Variants in TBL1X observed in about 807,000 individuals in gnomAD.
TBL1X encodes transducin beta like 1 X-linked.
Under a neutral mutation model 50.7 loss-of-function variants are expected in TBL1X, and 10 were observed. The ratio of observed to expected loss-of-function variants is 0.20; its 90% CI spans 0.12 to 0.33. TBL1X has a LOEUF of 0.33. TBL1X is among the 10% of genes least tolerant of loss of function. The pLI, the probability that TBL1X is intolerant of heterozygous loss-of-function variation, is 1.00. For missense variants in TBL1X, 340 were observed against 504.4 expected (o/e 0.67, Z 3.12); for synonymous variants, 190 against 214.7 (o/e 0.88, Z 1.01).
intron 2 of TBL1X, among the ~76,000 whole-genome samples, chrX:9,553,098 G>T (rs778461747): frequency 7.5e-4 from 83 of 111,134 alleles, no homozygotes; most frequent in Non-Finnish European, 1.4e-3. Context: ...AGCCATGTTG[G>T]CGCCACTGCA....
chrX:9,698,383 T>C (rs1269048623), intron 12 of TBL1X, among the ~76,000 whole-genome samples: 6 of 111,778 alleles, frequency 5.4e-5, no homozygotes, highest in Non-Finnish European at 1.1e-4. Context: ...CTAAGATTTC[T>C]AACAGCACAA....
intron 2 of TBL1X, among the ~76,000 whole-genome samples, chrX:9,607,407 G>A (rs1246505081): frequency 9.0e-6 from 1 of 111,480 alleles, no homozygotes; most frequent in East Asian, 2.8e-4. Context: ...CAGTGCTGGT[G>A]CTGGCACCGC....
intron 1 of TBL1X, 71 bp downstream of exon 1, chrX:9,465,518 G>C (rs1283503615): frequency 5.4e-5 from 6 of 111,553 alleles, no homozygotes; most frequent in Non-Finnish European, 1.1e-4. Flanking sequence ...GTCCCGCGCT[G>C]ACCCTCCAGG....
intron 1 of TBL1X, among the ~76,000 whole-genome samples, chrX:9,475,859 T>A (rs192005347): frequency 8.9e-6 from 1 of 112,060 alleles, no homozygotes; most frequent in African/African-American, 3.2e-5. Context: ...TGCATCTGTT[T>A]TCTTCTTTGT....
At chrX:9,523,217 C>T (rs1376284227) in intron 2 of TBL1X, among the ~76,000 whole-genome samples, 1 of 112,037 alleles carries the variant, frequency 8.9e-6, no homozygotes, top group Non-Finnish European at 1.9e-5. Flanking sequence ...CAGCTGTCAC[C>T]CTTTCACCCT....
chrX:9,596,720 C>T (rs758304408), intron 2 of TBL1X, among the ~76,000 whole-genome samples: 5 of 111,193 alleles, frequency 4.5e-5, no homozygotes, highest in Admixed American at 9.5e-5. Flanking sequence ...CTGAAATCAA[C>T]CACTTAATCT....
chrX:9,692,843 G>A (rs1219321169), intron 9 of TBL1X, among the ~76,000 whole-genome samples: 1 of 112,638 alleles, frequency 8.9e-6, no homozygotes, highest in Non-Finnish European at 1.9e-5. Context: ...GGTAGGCTGG[G>A]AGCCCCAAGG....
chrX:9,515,520 C>T (rs982833318), intron 2 of TBL1X, among the ~76,000 whole-genome samples: 36 of 112,023 alleles, frequency 3.2e-4, no homozygotes, highest in Admixed American at 9.5e-4. Context: ...ACCTCAGTAG[C>T]GGAGCCAGAT....
chrX:9,694,171 G>A (rs1569101656), intron 11 of TBL1X, among the ~76,000 whole-genome samples: 1 of 107,553 alleles, frequency 9.3e-6, no homozygotes, highest in African/African-American at 3.4e-5. Flanking sequence ...ACAGTTGTGC[G>A]TTCCCGAGAC....
chrX:9,568,484 A>G (rs2082363693), intron 2 of TBL1X, among the ~76,000 whole-genome samples: 1 of 103,010 alleles, frequency 9.7e-6, no homozygotes, highest in African/African-American at 3.5e-5. Flanking sequence ...GTCTATCTGC[A>G]CCGTGGTTTG....
intron 2 of TBL1X, among the ~76,000 whole-genome samples, chrX:9,546,508 C>T (rs750458930): frequency 8.1e-5 from 9 of 110,877 alleles, no homozygotes; most frequent in East Asian, 2.9e-4. Context: ...AGCAAGACTC[C>T]GTCTCAGAAA....
intron 2 of TBL1X, among the ~76,000 whole-genome samples, chrX:9,547,381 G>A (rs926611311): frequency 2.7e-5 from 3 of 110,164 alleles, no homozygotes; most frequent in South Asian, 3.9e-4. Context: ...GTGCAATGGC[G>A]CGATCTCGAC....
chrX:9,643,270 T>A (rs1182999702), intron 3 of TBL1X, among the ~76,000 whole-genome samples: 1 of 110,850 alleles, frequency 9.0e-6, no homozygotes, highest in Non-Finnish European at 1.9e-5. Flanking sequence ...CTGTCAAATG[T>A]CCCGCAGTTC....
At chrX:9,704,926 C>A in intron 12 of TBL1X, 67 bp from the exon 13 acceptor site, 2 of 1,199,894 alleles carry the variant, frequency 1.7e-6, no homozygotes, top group East Asian at 3.0e-5. Flanking sequence ...TTGTGCTGTT[C>A]ATTGTTGTAA....
chrX:9,499,191 G>T (rs761602675), intron 1 of TBL1X, among the ~76,000 whole-genome samples: 16 of 111,703 alleles, frequency 1.4e-4, no homozygotes, highest in Non-Finnish European at 2.4e-4. Context: ...TGTCCTGATT[G>T]TCTGTGGCTA....
At chrX:9,622,050 G>A (rs1039871359) in intron 2 of TBL1X, among the ~76,000 whole-genome samples, 1 of 111,036 alleles carries the variant, frequency 9.0e-6, no homozygotes, top group Non-Finnish European at 1.9e-5. Flanking sequence ...CAAACTGGTC[G>A]ATGCTCATTT....
chrX:9,596,596 G>A (rs989643404), intron 2 of TBL1X, among the ~76,000 whole-genome samples: 1 of 111,360 alleles, frequency 9.0e-6, no homozygotes, highest in African/African-American at 3.3e-5. Context: ...GCACCCAGTA[G>A]AAGCACCATC....
At chrX:9,661,686 A>G (rs922306893) in intron 5 of TBL1X, among the ~76,000 whole-genome samples, 7 of 110,802 alleles carry the variant, frequency 6.3e-5, no homozygotes, top group African/African-American at 2.3e-4. Context: ...ACAGAGATAA[A>G]AGGCTGTGCT....
At chrX:9,554,836 C>A (rs770891644) in intron 2 of TBL1X, among the ~76,000 whole-genome samples, 2 of 111,514 alleles carry the variant, frequency 1.8e-5, no homozygotes, top group Non-Finnish European at 3.8e-5. Flanking sequence ...GTACAGACAT[C>A]GAGACAGCAC....
Sources: allele counts gnomAD v4.1 joint callset (sites outside exome capture counted in the v4.1 genomes callset), GRCh38; gene constraint gnomAD v4.1.1; transcripts MANE v1.5; gene names NCBI Gene and HGNC (gene_info 2026-07-23, HGNC 2026-07-21).